Variants in RHOD observed in about 807,000 individuals in gnomAD.
RHOD encodes ras homolog family member D, also known as rho-related GTP-binding protein RhoD.
In RHOD, 11 loss-of-function variants were observed where a neutral mutation model predicts 16.7. The observed-to-expected ratio is 0.66, with a 90% CI of 0.41 to 1.09. RHOD has a LOEUF of 1.09. Ranked by LOEUF, RHOD falls within the 50% of genes least tolerant of loss-of-function variation. RHOD has a pLI of 0.00. For missense variants in RHOD, 271 were observed against 291.7 expected, an observed-to-expected ratio of 0.93 and a Z score of 0.52; for synonymous variants, 124 against 126.3, an observed-to-expected ratio of 0.98 and a Z score of 0.12.
chr11:67,065,818 G>A (rs761338954), intron 1 of RHOD, 78 bp from the exon 2 acceptor site: 149 of 907,112 alleles, frequency 1.6e-4, no homozygotes, highest in Non-Finnish European at 2.5e-4. Flanking sequence ...CAAGGAGGGA[G>A]CAGCGCTGTG....
intron 1 of RHOD, 30 bp from the exon 2 acceptor site, chr11:67,065,866 C>T: frequency 6.4e-7 from 1 of 1,555,868 alleles, no homozygotes; most frequent in South Asian, 1.1e-5. Context: ...GAAGCCTCCT[C>T]ACACCCTCCC....
Position 67,071,846 on chromosome 11 carries a change from TC to T in RHOD, c.*247del. On this transcript the variant is annotated 3_prime_UTR_variant, in exon 5 of 5. Transcript: ENST00000308831. ...ATCACTCGCTAACCCCTATGCCCGG[TC>T]CCGGACCGACATCCTGGAGCCGCCT... The T allele has an allele frequency of 2.3e-6, 1 of 438,000 alleles. No individual in the cohort carries two copies. Among genetic ancestry groups the T allele is most frequent in the Non-Finnish European group, 4.0e-6 (1 of 250,096 alleles). 27.1% of individuals were successfully genotyped at this position (438,000 alleles called of 1,614,324 possible).
Position 67,070,413 on chromosome 11 carries a change from G to GC in RHOD, c.331-6dup, listed in dbSNP as rs767358931. On this transcript the variant is annotated splice_polypyrimidine_tract_variant and intron_variant, in intron 3 of 4. Transcript: ENST00000308831. ...ACACATGCCCCCCACATGCCCCCTCGCCCCCCTGCAGTGGTACCCAGAAGT... is the reference window on the plus strand; with the variant it reads ...ACACATGCCCCCCACATGCCCCCTCGCCCCCCCTGCAGTGGTACCCAGAAGT... The GC allele has an allele frequency of 6.2e-7, 1 of 1,612,740 alleles. No homozygotes were observed. The highest frequency in any genetic ancestry group is 1.3e-5 in the African/African-American group (1 of 74,658).
At chr11:67,062,291 A>G (rs1590669405) in intron 1 of RHOD, among the ~76,000 whole-genome samples, 1 of 152,044 alleles carries the variant, frequency 6.6e-6, no homozygotes, top group African/African-American at 2.4e-5. Flanking sequence ...CCCTTTAACC[A>G]GTGAGGAGAC....
chr11:67,063,897 G>A (rs1274337016), intron 1 of RHOD, among the ~76,000 whole-genome samples: 1 of 150,992 alleles, frequency 6.6e-6, no homozygotes, highest in Non-Finnish European at 1.5e-5. Flanking sequence ...CACGAGGTCA[G>A]GAGTTCGAGA....
Position 67,071,803 on chromosome 11 carries a change from G to A in RHOD, c.*201G>A, listed in dbSNP as rs1343095562. Reference sequence around the variant, plus strand: ...GGCCCACCTGCTCTGTGTAGGGCTCGTCCTGCGGTGCCCGAGAATCACTCG... The same window carrying A: ...GGCCCACCTGCTCTGTGTAGGGCTCATCCTGCGGTGCCCGAGAATCACTCG... On this transcript the variant is annotated 3_prime_UTR_variant, in exon 5 of 5. Coordinates refer to ENST00000308831, the MANE Select transcript of RHOD (RefSeq NM_014578.4). 2 of 521,624 alleles carry A rather than the reference G, an allele frequency of 3.8e-6. No homozygotes were observed. The highest frequency in any genetic ancestry group is 6.6e-6 in the Non-Finnish European group (2 of 302,954). 32.3% of individuals were successfully genotyped at this position (521,624 alleles called of 1,614,324 possible). A position where few individuals can be genotyped will look rare whatever the true frequency, so the allele number is the denominator to read the frequency against.
chr11:67,066,956 T>C lies in RHOD; in HGVS notation c.330+109T>C, dbSNP rs1854966684. ...AGAGCTTGGCAGGCCCAAAATGATA[T>C]TGATTCCAGAGCTTTTGGTGTATAT... On this transcript the variant is annotated intron_variant, in intron 3 of 4. Coordinates refer to ENST00000308831, the MANE Select transcript of RHOD (RefSeq NM_014578.4). 3.8e-6 allele frequency: 3 copies of C among 779,552 alleles called. No individual in the cohort carries two copies. The Admixed American group carries it at 5.5e-5, about 14-fold the overall frequency. The allele number at this position is 779,552 out of a possible 1,614,324, so 48.3% of individuals were successfully genotyped here.
In RHOD at chr11:67,066,459, C is replaced by T. The variant is rs1854960185; in HGVS notation, c.221-279C>T. Among the ~76,000 whole-genome samples, 3 of 152,256 alleles carry T rather than the reference C, an allele frequency of 2.0e-5. No individual in the cohort carries two copies. The South Asian group carries it at 6.2e-4, about 31-fold the overall frequency. ...CCTAAGCTCAGGGCAAAGCTGGCTT[C>T]TGAGCAATTGGCCCCAGTTCCTCCA... On this transcript the variant is annotated intron_variant, in intron 2 of 4. Transcript: ENST00000308831.
At chr11:67,058,511 A>G (rs568451835) in intron 1 of RHOD, among the ~76,000 whole-genome samples, 241 of 152,158 alleles carry the variant, frequency 1.6e-3, no homozygotes, top group Middle Eastern at 3.4e-3. Flanking sequence ...GAGTTTTGCC[A>G]TGTTGGTCAG....
chr11:67,061,239 C>A (rs1451499002), intron 1 of RHOD, among the ~76,000 whole-genome samples: 1 of 152,160 alleles, frequency 6.6e-6, no homozygotes, highest in Non-Finnish European at 1.5e-5. Flanking sequence ...GTGGCTCACA[C>A]CTGTAATCCC....
At chr11:67,058,287 C>T (rs1000015276) in intron 1 of RHOD, among the ~76,000 whole-genome samples, 1 of 152,030 alleles carries the variant, frequency 6.6e-6, no homozygotes, top group African/African-American at 2.4e-5. Flanking sequence ...GCGATTCTCC[C>T]GCCTCAGCCT....
rs754235398 is a variant in RHOD at position 67,070,418 on chromosome 11, C to T, written c.331-7C>T. 6.2e-6 allele frequency: 10 copies of T among 1,613,906 alleles called. No homozygotes were observed. Among genetic ancestry groups the T allele is most frequent in the Non-Finnish European group, 7.6e-6 (9 of 1,179,924 alleles). ...TGCCCCCCACATGCCCCCTCGCCCC[C>T]CTGCAGTGGTACCCAGAAGTGAATC... On this transcript the variant is annotated splice_polypyrimidine_tract_variant and splice_region_variant and intron_variant, in intron 3 of 4. Transcript: ENST00000308831.
At chr11:67,064,433 GA>G (rs1854934692) in intron 1 of RHOD, among the ~76,000 whole-genome samples, 2 of 150,996 alleles carry the variant, frequency 1.3e-5, no homozygotes, top group Non-Finnish European at 3.0e-5. Context: ...AAAAGAGAAG[GA>G]AAAAAAACGG....
intron 1 of RHOD, among the ~76,000 whole-genome samples, chr11:67,063,800 CAAAAAAAAA>C (rs71045978): frequency 5.3e-5 from 2 of 37,930 alleles, no homozygotes; most frequent in African/African-American, 1.2e-4. Context: ...GACTCTCTCT[CAAAAAAAAA>C]AAAAAAAAAA....
At position 67,071,547 on chromosome 11, in the gene RHOD, G is replaced by A. The variant is rs1855030615; in HGVS notation, c.578G>A (p.Ser193Asn). Residue 193 changes from serine to asparagine, a missense_variant, in exon 5 of 5, where the codon AGC becomes AAC. Transcript: ENST00000308831. Reference sequence around the variant, plus strand: ...GAGGCCGCCGAGGTGGCCCTCAGCAGCCGCGGTCGCAACTTCTGGCGGCGG... The same window carrying A: ...GAGGCCGCCGAGGTGGCCCTCAGCAACCGCGGTCGCAACTTCTGGCGGCGG... ...FQEAAEVALS[S>N]RGRNFWRRIT... The A allele has an allele frequency of 1.9e-6, 3 of 1,611,962 alleles. No homozygotes were observed. Among genetic ancestry groups the A allele is most frequent in the Admixed American group, 1.7e-5 (1 of 59,868 alleles).
intron 4 of RHOD, 42 bp from the exon 5 acceptor site, chr11:67,071,393 C>CA: frequency 6.5e-7 from 1 of 1,533,430 alleles, no homozygotes; most frequent in Non-Finnish European, 8.8e-7. Flanking sequence ...GAGGCCTGCC[C>CA]AGTGCCCCCT....
At chr11:67,061,683 G>A (rs1190286773) in intron 1 of RHOD, among the ~76,000 whole-genome samples, 52 of 133,142 alleles carry the variant, frequency 3.9e-4, no homozygotes, top group Non-Finnish European at 6.9e-4. Flanking sequence ...GCAGTGAGCC[G>A]AGATCAGGCC....
In RHOD at chr11:67,056,955, T is replaced by G. The variant is rs375849783; in HGVS notation, c.53T>G (p.Val18Gly). The change falls in exon 1 of 5, where the codon GTC becomes GGC. Residue 18 changes from valine (V) to glycine (G), a missense_variant. Physicochemically the swap from Val to Gly is moderately radical, Grantham distance 109 (BLOSUM62 -3). Transcript: ENST00000308831. ...GEEAPPGVRS[V>G]KVVLVGDGGC... ...GAGGCGCCACCAGGCGTGCGGTCCG[T>G]CAAGGTGGTCCTGGTGGGCGACGGC... The G allele has an allele frequency of 6.7e-7, 1 of 1,497,508 alleles. No homozygotes were observed. The highest frequency in any genetic ancestry group is 2.9e-5 in the East Asian group (1 of 34,856). The allele number at this position is 1,497,508 out of a possible 1,614,324, so 92.8% of individuals were successfully genotyped here.
chr11:67,071,786 T>A lies in RHOD; in HGVS notation c.*184T>A. ...GAGAAAGGGGGTTCCTGGGCCCACC[T>A]GCTCTGTGTAGGGCTCGTCCTGCGG... On this transcript the variant is annotated 3_prime_UTR_variant, in exon 5 of 5. Coordinates refer to ENST00000308831, the MANE Select transcript of RHOD (RefSeq NM_014578.4). The A allele has an allele frequency of 1.6e-6, 1 of 620,202 alleles. No individual in the cohort carries two copies. The highest frequency in any genetic ancestry group is 2.9e-5 in the East Asian group (1 of 34,050). 38.4% of individuals were successfully genotyped at this position (620,202 alleles called of 1,614,324 possible). A position where few individuals can be genotyped will look rare whatever the true frequency, so the allele number is the denominator to read the frequency against.
Sources: allele counts gnomAD v4.1 joint callset (sites outside exome capture counted in the v4.1 genomes callset), GRCh38; gene constraint gnomAD v4.1.1; transcripts MANE v1.5; gene names NCBI Gene and HGNC (gene_info 2026-07-23, HGNC 2026-07-21).